Variants in SYTL3 observed in about 807,000 individuals in gnomAD.
SYTL3 encodes synaptotagmin like 3, also known as synaptotagmin-like protein 3.
In SYTL3, 88 loss-of-function variants were observed where a neutral mutation model predicts 82.1. That is an observed-to-expected ratio of 1.07 (90% CI 0.90 to 1.28). The LOEUF is 1.28. Ranked by LOEUF, SYTL3 falls within the 50% of genes most tolerant of loss-of-function variation. SYTL3 has a pLI of 0.00. For synonymous variants in SYTL3, 311 were observed against 289.4 expected, an observed-to-expected ratio of 1.07 and a Z score of -0.76; for missense variants, 831 against 757.6, an observed-to-expected ratio of 1.10 and a Z score of -1.14.
chr6:158,747,121 G>A (rs1381061919), intron 12 of SYTL3, among the ~76,000 whole-genome samples: 1 of 152,034 alleles, frequency 6.6e-6, no homozygotes, highest in Non-Finnish European at 1.5e-5. Flanking sequence ...TGAGTAGCTG[G>A]GATTACAGGT....
chr6:158,675,103 T>C (rs1355540696), intron 5 of SYTL3, among the ~76,000 whole-genome samples: 3 of 152,162 alleles, frequency 2.0e-5, no homozygotes, highest in Non-Finnish European at 4.4e-5. Flanking sequence ...TCAATTTCAG[T>C]GCACACTGCT....
chr6:158,755,296 T>G (rs1291188927), intron 13 of SYTL3, among the ~76,000 whole-genome samples: 1 of 152,134 alleles, frequency 6.6e-6, no homozygotes, highest in Non-Finnish European at 1.5e-5. Flanking sequence ...TGAGCTGAGA[T>G]GGCACTGCTG....
chr6:158,710,895 C>T (rs1177890780), intron 8 of SYTL3, among the ~76,000 whole-genome samples: 1 of 152,088 alleles, frequency 6.6e-6, no homozygotes, highest in African/African-American at 2.4e-5. Flanking sequence ...ATTCTCCTGC[C>T]TCAACCTCCT....
chr6:158,686,331 A>G (rs1349230763), intron 6 of SYTL3, among the ~76,000 whole-genome samples: 2 of 152,202 alleles, frequency 1.3e-5, no homozygotes, highest in Non-Finnish European at 2.9e-5. Context: ...CTATCAATGT[A>G]TAAAATAAAC....
chr6:158,707,656 G>C (rs545608686), intron 7 of SYTL3, among the ~76,000 whole-genome samples: 76 of 152,322 alleles, frequency 5.0e-4, no homozygotes, highest in Non-Finnish European at 9.4e-4. Context: ...TGGCGCGTTA[G>C]AGATACTGGT....
At chr6:158,746,624 C>T (rs1470909990) in intron 12 of SYTL3, among the ~76,000 whole-genome samples, 1 of 151,694 alleles carries the variant, frequency 6.6e-6, no homozygotes, top group Non-Finnish European at 1.5e-5. Context: ...CACCACCACG[C>T]CCAGCTAATT....
At chr6:158,726,946 T>C (rs1784802370) in intron 11 of SYTL3, 1 of 151,544 alleles carries the variant, frequency 6.6e-6, no homozygotes, top group African/African-American at 2.4e-5. Flanking sequence ...GCCTCCCAGG[T>C]TCACGTCATT....
chr6:158,725,763 A>AT, intron 11 of SYTL3, 126 bp downstream of exon 11: 1 of 1,251,800 alleles, frequency 8.0e-7, no homozygotes, highest in Middle Eastern at 2.0e-4. Flanking sequence ...ACAGCAAGGC[A>AT]TTTTATTATC....
intron 14 of SYTL3, among the ~76,000 whole-genome samples, chr6:158,759,482 T>C (rs1316434368): frequency 1.3e-5 from 2 of 152,196 alleles, no homozygotes; most frequent in Admixed American, 6.5e-5. Flanking sequence ...GGACCGGATG[T>C]GTCAAGACCA....
intron 4 of SYTL3, 138 bp downstream of exon 4, chr6:158,663,516 C>T (rs967101528): frequency 1.8e-5 from 26 of 1,459,350 alleles, no homozygotes; most frequent in South Asian, 1.4e-4. Context: ...AGGGTCCTAA[C>T]GAAGGTCTGT....
At chr6:158,731,420 A>C (rs1235858648) in intron 11 of SYTL3, among the ~76,000 whole-genome samples, 1 of 152,062 alleles carries the variant, frequency 6.6e-6, no homozygotes, top group Admixed American at 6.5e-5. Flanking sequence ...CTAGCCTAGG[A>C]AGGACCCTAC....
chr6:158,657,876 C>T (rs367600340), intron 2 of SYTL3, among the ~76,000 whole-genome samples: 3 of 146,112 alleles, frequency 2.1e-5, no homozygotes, highest in East Asian at 2.0e-4. Flanking sequence ...AGTTGCATTT[C>T]TTTTTTTTTT....
At chr6:158,665,121 G>GC (rs1344538944) in intron 4 of SYTL3, among the ~76,000 whole-genome samples, 1 of 152,180 alleles carries the variant, frequency 6.6e-6, no homozygotes, top group Non-Finnish European at 1.5e-5. Flanking sequence ...GAGCTTCTCT[G>GC]CCCCAGGCAT....
chr6:158,759,446 T>TTC (rs1448265474), intron 14 of SYTL3, among the ~76,000 whole-genome samples: 1 of 152,236 alleles, frequency 6.6e-6, no homozygotes, highest in African/African-American at 2.4e-5. Flanking sequence ...AGAGGGCTGC[T>TTC]TCTCAGTGCT....
intron 11 of SYTL3, among the ~76,000 whole-genome samples, chr6:158,729,031 C>T (rs754004865): frequency 3.3e-5 from 5 of 151,934 alleles, no homozygotes; most frequent in Non-Finnish European, 5.9e-5. Context: ...CCAGCCTGGG[C>T]GACAGAGCGA....
intron 12 of SYTL3, among the ~76,000 whole-genome samples, chr6:158,749,161 G>A (rs1375825199): frequency 1.3e-5 from 2 of 152,082 alleles, no homozygotes; most frequent in Non-Finnish European, 2.9e-5. Flanking sequence ...GGAGGCAGAG[G>A]TTGCAGTGAG....
Position 158,722,043 on chromosome 6 carries a change from TATTA to T in SYTL3, c.721-3455_721-3452del, listed in dbSNP as rs560483126. On this transcript the variant is annotated intron_variant, in intron 10 of 17. Coordinates refer to ENST00000611299, the MANE Select transcript of SYTL3 (RefSeq NM_001242394.2). ...CATCAGATTATTAATATTTCATCAA[TATTA>T]ATTATAGAACACGGTGGCCCTGCTT... Among the ~76,000 whole-genome samples, 384 of 152,332 alleles carry T rather than the reference TATTA, an allele frequency of 2.5e-3. 2 individuals carry two copies. Among genetic ancestry groups the T allele is most frequent in the South Asian group, 5.0e-3 (24 of 4,824 alleles).
chr6:158,729,566 CTTTTTTT>C lies in SYTL3; in HGVS notation c.855+3941_855+3947del, dbSNP rs34172320. 8.1e-4 allele frequency among the ~76,000 whole-genome samples: 108 copies of C among 132,888 alleles called. 1 individual carries two copies. The highest frequency in any genetic ancestry group is 1.3e-3 in the Non-Finnish European group (82 of 62,158). The allele number at this position is 132,888 out of a possible 152,430, so 87.2% of individuals were successfully genotyped here. ...GTGTACTGTACTTTACTTTCTTTTT[CTTTTTTT>C]TTTTTTTTTTTGAGACAGAGTCTCG... On this transcript the variant is annotated intron_variant, in intron 11 of 17. Transcript: ENST00000611299.
At chr6:158,700,857 C>A (rs1781132651) in intron 6 of SYTL3, among the ~76,000 whole-genome samples, 3 of 152,196 alleles carry the variant, frequency 2.0e-5, no homozygotes, top group Admixed American at 2.0e-4. Context: ...ACCTCATGAT[C>A]TGCCCTCCTT....
Sources: gnomAD v4.1 joint callset for allele counts (sites outside exome capture counted in the v4.1 genomes callset) on GRCh38, gnomAD v4.1.1 for gene constraint, MANE v1.5 for transcripts, NCBI Gene and HGNC (gene_info 2026-07-23, HGNC 2026-07-21) for gene names.